The following HK1 variants were observed in gnomAD, a reference collection of about 807,000 sequenced individuals.
The protein encoded by HK1 is hexokinase-1.
In HK1, 28 loss-of-function variants were observed where a neutral mutation model predicts 91.6. The ratio of observed to expected loss-of-function variants is 0.31; its 90% CI spans 0.23 to 0.42. The LOEUF (loss-of-function observed/expected upper bound fraction) is 0.42, where lower values mean the gene tolerates loss of function less well. Ranked by LOEUF, HK1 falls within the 10% of genes least tolerant of loss-of-function variation. HK1 has a pLI of 1.00. For missense variants in HK1, 770 were observed against 1,219.8 expected (o/e 0.63, Z 5.49); for synonymous variants, 430 against 468.1 (o/e 0.92, Z 1.05).
Position 69,319,001 on chromosome 10 carries a change from G to T in HK1, c.54G>T (p.Gln18His). Residue 18 changes from glutamine to histidine, a missense_variant, in exon 1 of 18, where the codon CAG (glutamine) becomes CAT (histidine). By Grantham distance (24) the Gln-to-His change is conservative. Transcript: ENST00000359426. ...ACTTCACGGAGCTGAAGGATGACCA[G>T]GTCAAAAAGGTGAGCCCCCGCCCGC... Reference protein sequence around the residue: ...AYYFTELKDDQVKKIDKYLYA... With the variant: ...AYYFTELKDDHVKKIDKYLYA... 6.2e-7 allele frequency: 1 copy of T among 1,601,998 alleles called. No homozygotes were observed. Among genetic ancestry groups the T allele is most frequent in the Non-Finnish European group, 8.5e-7 (1 of 1,175,108 alleles).
At chr10:69,288,351 T>C (rs1286603038) in intron 2 of HK1, among the ~76,000 whole-genome samples, 3 of 152,026 alleles carry the variant, frequency 2.0e-5, no homozygotes, top group African/African-American at 7.2e-5. Context: ...AGCTCAGGCC[T>C]GTAACCCAGC....
intron 1 of HK1, among the ~76,000 whole-genome samples, chr10:69,276,138 T>TATATATATATATATATATATAA (rs753204633): frequency 1.3e-5 from 1 of 76,458 alleles, no homozygotes; most frequent in Non-Finnish European, 2.6e-5. Flanking sequence ...TATATATATA[T>TATATATATATATATATATATAA]ACACATATAT....
chr10:69,297,227 T>C (rs1477182074), intron 4 of HK1, among the ~76,000 whole-genome samples: 2 of 152,234 alleles, frequency 1.3e-5, no homozygotes, highest in South Asian at 2.1e-4. Context: ...GAAAATGTTA[T>C]TAAGAAAATC....
In HK1 at chr10:69,382,658, C is replaced by G; in HGVS notation, c.1437C>G (p.Leu479=). 6.2e-7 allele frequency: 1 copy of G among 1,614,126 alleles called. No homozygotes were observed. The highest frequency in any genetic ancestry group is 8.5e-7 in the Non-Finnish European group (1 of 1,180,016). Residue 479 remains leucine, a synonymous_variant, in exon 10 of 18, where the codon CTC becomes CTG. Transcript: ENST00000359426. ...AGGAGACCCTGGCTCATTTCCACCT[C>G]ACCAAGGACATGCTGCTGGAGGTGA... ...QIEETLAHFH[L]TKDMLLEVKK...
At chr10:69,375,318 T>G (rs73267659) in intron 7 of HK1, among the ~76,000 whole-genome samples, 7,963 of 152,276 alleles carry the variant, frequency 0.052, 459 homozygotes, top group African/African-American at 0.14. Flanking sequence ...AAGCAGTCAG[T>G]ATCTCATTGC....
At chr10:69,324,119 G>A (rs549182339) in intron 1 of HK1, among the ~76,000 whole-genome samples, 1 of 152,232 alleles carries the variant, frequency 6.6e-6, no homozygotes, top group Non-Finnish European at 1.5e-5. Flanking sequence ...CAGTCCTCCC[G>A]CCTTGGCCTC....
At chr10:69,304,758 T>C (rs1846030845) in intron 5 of HK1, among the ~76,000 whole-genome samples, 1 of 151,916 alleles carries the variant, frequency 6.6e-6, no homozygotes, top group African/African-American at 2.4e-5. Flanking sequence ...GCCATGGGTG[T>C]TTCATGTTTG....
At chr10:69,292,472 G>A in intron 3 of HK1, 1 of 305,710 alleles carries the variant, frequency 3.3e-6, no homozygotes, top group South Asian at 2.5e-5. Flanking sequence ...TTCTTACAGG[G>A]ACTACCTGCA....
chr10:69,384,594 G>A, intron 11 of HK1, 113 bp downstream of exon 11: 6 of 1,475,516 alleles, frequency 4.1e-6, no homozygotes, highest in Non-Finnish European at 5.7e-6. Context: ...GTGTCCTTGT[G>A]GCCCAGAAGC....
chr10:69,366,473 G>A (rs1849705590), intron 4 of HK1, among the ~76,000 whole-genome samples: 1 of 152,112 alleles, frequency 6.6e-6, no homozygotes, highest in Non-Finnish European at 1.5e-5. Flanking sequence ...GGGCTTGAGA[G>A]CACAGCAGGC....
At chr10:69,291,064 T>A (rs1297816874) in intron 3 of HK1, among the ~76,000 whole-genome samples, 1 of 152,194 alleles carries the variant, frequency 6.6e-6, no homozygotes, top group Non-Finnish European at 1.5e-5. Flanking sequence ...CCTGGAAGCT[T>A]GTTTGGGATG....
upstream of HK1, among the ~76,000 whole-genome samples, chr10:69,311,438 G>A (rs535705353): frequency 3.7e-4 from 57 of 152,308 alleles, no homozygotes; most frequent in Admixed American, 2.0e-3. Flanking sequence ...TGTGAAGGTC[G>A]TTGTGTGTGG....
chr10:69,331,787 G>A (rs890759061), intron 1 of HK1, among the ~76,000 whole-genome samples: 2 of 152,034 alleles, frequency 1.3e-5, no homozygotes, highest in Non-Finnish European at 2.9e-5. Flanking sequence ...GAGGTGAGAG[G>A]ATTGCTTGAG....
At chr10:69,344,341 T>A (rs1848442340) in intron 2 of HK1, among the ~76,000 whole-genome samples, 1 of 152,222 alleles carries the variant, frequency 6.6e-6, no homozygotes, top group South Asian at 2.1e-4. Flanking sequence ...GGGTTGCTCT[T>A]ATGTCTTCAG....
intron 1 of HK1, among the ~76,000 whole-genome samples, chr10:69,332,470 C>T (rs945731579): frequency 1.3e-5 from 2 of 151,960 alleles, no homozygotes; most frequent in East Asian, 3.9e-4. Context: ...CCTCTGCCTC[C>T]CTGGTTCAAG....
rs202225464 is a variant in HK1 at position 69,384,781 on chromosome 10, T to C, written c.1720-15T>C. On this transcript the variant is annotated splice_polypyrimidine_tract_variant and intron_variant, in intron 11 of 17. Coordinates refer to ENST00000359426, the MANE Select transcript of HK1 (RefSeq NM_000188.3). ...ACCACAGAGAGCACGGGCGATCCTT[T>C]CTTTTCCCCTGCAGCTGTTTGATCA... 104 of 1,614,080 alleles carry C rather than the reference T, an allele frequency of 6.4e-5. No homozygotes were observed. The highest frequency in any genetic ancestry group is 8.6e-5 in the Non-Finnish European group (102 of 1,180,022).
Position 69,382,520 on chromosome 10 carries a change from C to G in HK1, c.1299C>G (p.Arg433=). The change falls in exon 10 of 18, where the codon CGC becomes CGG. Residue 433 remains arginine (R), a synonymous_variant. Transcript: ENST00000359426. ...GGCGTTTCCACAAGACTCTAAGGCGCTTGGTGCCAGACTCCGATGTGCGCT... is the reference window on the plus strand; with the variant it reads ...GGCGTTTCCACAAGACTCTAAGGCGGTTGGTGCCAGACTCCGATGTGCGCT... ...YSRRFHKTLR[R]LVPDSDVRFL... is the part of the protein sequence containing the mutation. The G allele has an allele frequency of 6.2e-7, 1 of 1,614,232 alleles. No homozygotes were observed. The highest frequency in any genetic ancestry group is 8.5e-7 in the Non-Finnish European group (1 of 1,180,042).
chr10:69,308,747 G>A (rs185654509), intron 5 of HK1, among the ~76,000 whole-genome samples: 1 of 151,968 alleles, frequency 6.6e-6, no homozygotes, highest in East Asian at 1.9e-4. Flanking sequence ...AATATGAGAG[G>A]GTCTGTCTCT....
chr10:69,279,864 G>A (rs1185461921), intron 1 of HK1, among the ~76,000 whole-genome samples: 2 of 152,190 alleles, frequency 1.3e-5, no homozygotes, highest in Non-Finnish European at 2.9e-5. Context: ...TGCTCAGCTG[G>A]AGAGCACATG....
Sources: allele counts gnomAD v4.1 joint callset (sites outside exome capture counted in the v4.1 genomes callset), GRCh38; gene constraint gnomAD v4.1.1; transcripts MANE v1.5; gene names NCBI Gene and HGNC (gene_info 2026-07-23, HGNC 2026-07-21).